The following EXOC4 variants were observed in gnomAD, a reference collection of about 807,000 sequenced individuals.
The protein encoded by EXOC4 is SEC8-like 1.
A neutral mutation model predicts 107.2 loss-of-function variants in EXOC4; 71 were observed. The ratio of observed to expected loss-of-function variants is 0.66; its 90% confidence interval spans 0.55 to 0.81. EXOC4 has a LOEUF of 0.81. Among genes scored for constraint, EXOC4 ranks in the 30% least tolerant of loss-of-function variants. The pLI is 0.00. For missense variants in EXOC4, 1,108 were observed against 1,189.6 expected, an observed-to-expected ratio of 0.93 and a Z score of 1.01; for synonymous variants, 456 against 441.2, an observed-to-expected ratio of 1.03 and a Z score of -0.42.
At chr7:134,061,853 C>G (rs901222499) in intron 17 of EXOC4, among the ~76,000 whole-genome samples, 2 of 152,166 alleles carry the variant, frequency 1.3e-5, no homozygotes, top group Non-Finnish European at 2.9e-5. Flanking sequence ...CCTGCAGCAT[C>G]AAGTTTTTCT....
chr7:133,286,201 ATTTTTTGGTGT>A (rs1794273385), intron 2 of EXOC4, among the ~76,000 whole-genome samples: 1 of 151,512 alleles, frequency 6.6e-6, no homozygotes, highest in African/African-American at 2.4e-5. Context: ...CTCCTATCTC[ATTTTTTGGTGT>A]TTTCCTGTTT....
At chr7:133,395,461 C>T (rs1233120556) in intron 7 of EXOC4, among the ~76,000 whole-genome samples, 1 of 152,000 alleles carries the variant, frequency 6.6e-6, no homozygotes, top group Non-Finnish European at 1.5e-5. Flanking sequence ...CTATTATGCT[C>T]TTGATTTTAT....
chr7:133,817,659 A>G, intron 11 of EXOC4, 115 bp downstream of exon 11: 1 of 735,188 alleles, frequency 1.4e-6, no homozygotes, highest in Non-Finnish European at 2.2e-6. Flanking sequence ...CAGGGACAAA[A>G]CAAAAGAAAA....
chr7:133,523,197 C>T (rs1290133615), intron 9 of EXOC4, among the ~76,000 whole-genome samples: 1 of 152,104 alleles, frequency 6.6e-6, no homozygotes, highest in Non-Finnish European at 1.5e-5. Flanking sequence ...AAGTTTAAAG[C>T]TCAGGATATC....
At chr7:133,900,629 C>G (rs1799430183) in intron 12 of EXOC4, among the ~76,000 whole-genome samples, 1 of 151,574 alleles carries the variant, frequency 6.6e-6, no homozygotes. Flanking sequence ...ATTTGAAAAG[C>G]AAGAGTATAG....
intron 9 of EXOC4, among the ~76,000 whole-genome samples, chr7:133,587,246 TG>T (rs553905972): frequency 7.4e-4 from 112 of 152,274 alleles, no homozygotes; most frequent in African/African-American, 2.5e-3. Context: ...AAGAGACTGG[TG>T]GAATTCTATG....
At chr7:133,325,373 G>A (rs1394250377) in intron 5 of EXOC4, among the ~76,000 whole-genome samples, 3 of 152,138 alleles carry the variant, frequency 2.0e-5, no homozygotes, top group Admixed American at 6.5e-5. Flanking sequence ...CATGTTTAGT[G>A]CTTCCTTCAG....
intron 10 of EXOC4, among the ~76,000 whole-genome samples, chr7:133,780,921 A>C (rs756185919): frequency 1.8e-4 from 27 of 152,180 alleles, no homozygotes; most frequent in Non-Finnish European, 3.2e-4. Context: ...TGAGTATTTG[A>C]CCATCTAAGG....
downstream of EXOC4, chr7:134,066,359 A>T (rs1342407489): frequency 6.6e-6 from 1 of 152,216 alleles, no homozygotes; most frequent in Non-Finnish European, 1.5e-5. Flanking sequence ...GCTCCGCTAA[A>T]AAAGAAACAT....
chr7:133,370,043 C>T lies in EXOC4; in HGVS notation c.1008-4785C>T, dbSNP rs187392740. Among the ~76,000 whole-genome samples the T allele has an allele frequency of 5.3e-5, 8 of 152,172 alleles. No individual in the cohort carries two copies. In the East Asian group the frequency reaches 5.8e-4, roughly 11 times the overall value. On this transcript the variant is annotated intron_variant, in intron 6 of 17. Coordinates refer to ENST00000253861, the MANE Select transcript of EXOC4 (RefSeq NM_021807.4). The stretch of plus-strand genomic sequence containing the variant: ...CCCGACCTCAGGTGATCCGCCACCT[C>T]GGCCTCCCGAAGTGCTGGGATTACA...
At chr7:133,338,293 T>C (rs1795567619) in intron 5 of EXOC4, among the ~76,000 whole-genome samples, 1 of 151,722 alleles carries the variant, frequency 6.6e-6, no homozygotes, top group African/African-American at 2.4e-5. Flanking sequence ...TCATTTTATT[T>C]TTAAAAATTT....
chr7:133,618,691 G>T (rs944831499), intron 9 of EXOC4, among the ~76,000 whole-genome samples: 2 of 152,110 alleles, frequency 1.3e-5, no homozygotes, highest in African/African-American at 2.4e-5. Context: ...TTTGATTGTA[G>T]ATATGTAGGA....
intron 10 of EXOC4, among the ~76,000 whole-genome samples, chr7:133,724,024 A>G (rs1020612169): frequency 1.1e-4 from 17 of 152,222 alleles, no homozygotes; most frequent in Admixed American, 1.1e-3. Flanking sequence ...TATTAAAAAA[A>G]CTTACATGCA....
chr7:133,576,590 C>T (rs576761091), intron 9 of EXOC4: 39 of 1,289,748 alleles, frequency 3.0e-5, no homozygotes, highest in South Asian at 1.4e-4. Context: ...ATCTATAAAG[C>T]GGATTTCTCA....
chr7:133,979,434 C>G (rs898249635), intron 14 of EXOC4, among the ~76,000 whole-genome samples: 1 of 152,160 alleles, frequency 6.6e-6, no homozygotes, highest in African/African-American at 2.4e-5. Context: ...CAGACATGAT[C>G]TCTCAATCAC....
In EXOC4 at chr7:133,432,186, A is replaced by G. The variant is rs1229648842; in HGVS notation, c.1183-43142A>G. The stretch of plus-strand genomic sequence containing the variant: ...AATTCTTTTGGTTCAGGTAAAAAAG[A>G]CATTTTTAGAAAGTTAGCATGGGAT... On this transcript the variant is annotated intron_variant, in intron 7 of 17. Coordinates refer to ENST00000253861, the MANE Select transcript of EXOC4 (RefSeq NM_021807.4). Among the ~76,000 whole-genome samples the G allele has an allele frequency of 2.0e-5, 3 of 152,136 alleles. No homozygotes were observed. In the East Asian group the frequency reaches 5.8e-4, roughly 29 times the overall value.
At chr7:134,051,735 C>T (rs1795796065) in intron 17 of EXOC4, among the ~76,000 whole-genome samples, 1 of 149,266 alleles carries the variant, frequency 6.7e-6, no homozygotes, top group Admixed American at 6.7e-5. Context: ...CCTGTAATCC[C>T]AGCACTTTGG....
chr7:133,959,814 A>G (rs1038076530), intron 14 of EXOC4, among the ~76,000 whole-genome samples: 9 of 152,168 alleles, frequency 5.9e-5, no homozygotes, highest in Admixed American at 4.6e-4. Context: ...AAAAAAAACT[A>G]TCAGATTCTA....
chr7:134,089,561 C>G, the EXOC4 span, among the ~76,000 whole-genome samples: 2 of 152,128 alleles, frequency 1.3e-5, no homozygotes, highest in African/African-American at 4.8e-5. Context: ...GTAAAGCAGG[C>G]AAGTTGTACG....
Sources: allele counts gnomAD v4.1 joint callset (sites outside exome capture counted in the v4.1 genomes callset), GRCh38; gene constraint gnomAD v4.1.1; transcripts MANE v1.5; gene names NCBI Gene and HGNC (gene_info 2026-07-23, HGNC 2026-07-21).